Variants in ZEB2 observed in about 807,000 individuals in gnomAD.
The protein encoded by ZEB2 is zinc finger E-box-binding homeobox 2.
In ZEB2, 6 loss-of-function variants were observed where a neutral mutation model predicts 99.9. The observed-to-expected ratio is 0.06, with a 90% confidence interval of 0.03 to 0.12. ZEB2 has a LOEUF of 0.12. Among genes scored for constraint, ZEB2 ranks in the 10% least tolerant of loss-of-function variants. The pLI is 1.00. For missense variants in ZEB2, 969 were observed against 1,502.8 expected, an observed-to-expected ratio of 0.64 and a Z score of 5.87; for synonymous variants, 517 against 542.5, an observed-to-expected ratio of 0.95 and a Z score of 0.65.
At chr2:144,508,083 G>A (rs1251810269) in intron 2 of ZEB2, among the ~76,000 whole-genome samples, 3 of 152,130 alleles carry the variant, frequency 2.0e-5, no homozygotes, top group East Asian at 1.9e-4. Context: ...TGCATGCTTG[G>A]TCGTTCATAC....
rs2149869949 is a variant in ZEB2 at position 144,384,372 on chromosome 2, T to G, written c.*5079A>C. ...ACAAATGAAGACTGAAGGATTTATT[T>G]CTGTTATTTAATAGCATTTGTTTAA... is the stretch of plus-strand genomic sequence containing the variant. On this transcript the variant is annotated 3_prime_UTR_variant, in exon 10 of 10. Transcript: ENST00000627532. The G allele has an allele frequency of 6.6e-6, 1 of 152,262 alleles. No individual in the cohort carries two copies. The highest frequency in any genetic ancestry group is 1.9e-4 in the East Asian group (1 of 5,182). 9.4% of individuals were successfully genotyped at this position (152,262 alleles called of 1,614,324 possible).
At chr2:144,423,016 A>G (rs184916434) in intron 4 of ZEB2, among the ~76,000 whole-genome samples, 12 of 152,260 alleles carry the variant, frequency 7.9e-5, no homozygotes, top group Admixed American at 3.3e-4. Flanking sequence ...TATAGAACAC[A>G]CTCAATGAAC....
chr2:144,486,370 GT>G (rs10710970), intron 2 of ZEB2, among the ~76,000 whole-genome samples: 138,362 of 145,920 alleles, frequency 0.95, 65,921 homozygotes, highest in South Asian at 0.99. Flanking sequence ...GTACTAGAAG[GT>G]TTTTTTTTTT....
At chr2:144,401,934 G>A (rs990241024) in intron 6 of ZEB2, among the ~76,000 whole-genome samples, 8 of 152,276 alleles carry the variant, frequency 5.3e-5, no homozygotes, top group Middle Eastern at 3.4e-3. Context: ...TATAAGCCCA[G>A]TTTTTCCTGA....
At chr2:144,475,076 A>T (rs544930517) in intron 2 of ZEB2, among the ~76,000 whole-genome samples, 1 of 152,350 alleles carries the variant, frequency 6.6e-6, no homozygotes, top group African/African-American at 2.4e-5. Flanking sequence ...AATGGTGAGC[A>T]TTTAATAACA....
At chr2:144,390,926 T>C (rs1427136907) in intron 9 of ZEB2, among the ~76,000 whole-genome samples, 3 of 152,230 alleles carry the variant, frequency 2.0e-5, no homozygotes, top group East Asian at 1.9e-4. Context: ...AAAATAGAAC[T>C]GATAAAAAAA....
intron 2 of ZEB2, among the ~76,000 whole-genome samples, chr2:144,469,065 A>G (rs10198698): frequency 0.78 from 118,571 of 151,980 alleles, 46,646 homozygotes; most frequent in Non-Finnish European, 0.83. Context: ...CTCTGTGAGG[A>G]CTCACTTTTG....
chr2:144,510,464 C>CT (rs1003375682), intron 2 of ZEB2, among the ~76,000 whole-genome samples: 1 of 152,098 alleles, frequency 6.6e-6, no homozygotes, highest in Non-Finnish European at 1.5e-5. Context: ...GACCCCAAAT[C>CT]TAACAGGCTT....
chr2:144,428,822 A>G (rs1333814044), intron 3 of ZEB2: 1 of 152,162 alleles, frequency 6.6e-6, no homozygotes, highest in African/African-American at 2.4e-5. Context: ...ACCTATTTAT[A>G]AAAATGCTTT....
chr2:144,482,748 T>C (rs1049086210), intron 2 of ZEB2, among the ~76,000 whole-genome samples: 4 of 94,886 alleles, frequency 4.2e-5, no homozygotes, highest in African/African-American at 6.4e-5. Flanking sequence ...ATTTCTGATA[T>C]TTCTTTTTTT....
chr2:144,416,159 C>T (rs931265641), intron 4 of ZEB2, among the ~76,000 whole-genome samples: 1 of 152,188 alleles, frequency 6.6e-6, no homozygotes, highest in African/African-American at 2.4e-5. Context: ...TCCCTTGAAA[C>T]GTGTACTTCA....
intron 1 of ZEB2, chr2:144,518,904 GAGAC>G (rs1180432584): frequency 6.6e-6 from 1 of 152,228 alleles, no homozygotes; most frequent in Non-Finnish European, 1.5e-5. Flanking sequence ...GTGAGAGAGA[GAGAC>G]AGGGCATTTG....
In ZEB2 at chr2:144,384,724, T is replaced by A. The variant is rs185698918; in HGVS notation, c.*4727A>T. The A allele has an allele frequency of 6.6e-6, 1 of 152,136 alleles. No individual in the cohort carries two copies. Among genetic ancestry groups the A allele is most frequent in the Non-Finnish European group, 1.5e-5 (1 of 67,966 alleles). 9.4% of individuals were successfully genotyped at this position (152,136 alleles called of 1,614,324 possible). On this transcript the variant is annotated 3_prime_UTR_variant, in exon 10 of 10. Transcript: ENST00000627532. ...GTACAATTTCAATTCACAGCGAAGG[T>A]AACAAAGATTTAAACAGCCAACATC...
At chr2:144,460,682 ATTATT>A (rs1704181253) in intron 2 of ZEB2, among the ~76,000 whole-genome samples, 2 of 152,140 alleles carry the variant, frequency 1.3e-5, no homozygotes, top group African/African-American at 4.8e-5. Flanking sequence ...TCTTAACTGT[ATTATT>A]TTAAGTCAAT....
chr2:144,432,379 T>C (rs1437956035), intron 2 of ZEB2, among the ~76,000 whole-genome samples: 1 of 152,206 alleles, frequency 6.6e-6, no homozygotes, highest in Non-Finnish European at 1.5e-5. Flanking sequence ...AACTAGGATA[T>C]GCATTTCCAT....
chr2:144,446,490 C>A (rs540529554), intron 2 of ZEB2, among the ~76,000 whole-genome samples: 1 of 151,992 alleles, frequency 6.6e-6, no homozygotes, highest in African/African-American at 2.4e-5. Context: ...AAAGATACAC[C>A]TTTCATCTTC....
chr2:144,397,982 C>A (rs1372096712), intron 8 of ZEB2: 3 of 363,336 alleles, frequency 8.3e-6, no homozygotes, highest in Non-Finnish European at 1.6e-5. Context: ...TAAACTTTAA[C>A]TTCTAGCACC....
intron 2 of ZEB2, among the ~76,000 whole-genome samples, chr2:144,467,315 C>G (rs1372684473): frequency 6.6e-6 from 1 of 152,026 alleles, no homozygotes; most frequent in African/African-American, 2.4e-5. Context: ...CTGAACTGCT[C>G]AAATCATGTG....
At chr2:144,499,562 G>T (rs772711985) in intron 2 of ZEB2, among the ~76,000 whole-genome samples, 1 of 152,104 alleles carries the variant, frequency 6.6e-6, no homozygotes, top group Non-Finnish European at 1.5e-5. Context: ...TTTATTAACT[G>T]GTTTTAGATG....
Sources: allele counts gnomAD v4.1 joint callset (sites outside exome capture counted in the v4.1 genomes callset), GRCh38; gene constraint gnomAD v4.1.1; transcripts MANE v1.5; gene names NCBI Gene and HGNC (gene_info 2026-07-23, HGNC 2026-07-21).